CDKAL1: variants seen among roughly 807,000 people sequenced by gnomAD.
The protein encoded by CDKAL1 is threonylcarbamoyladenosine tRNA methylthiotransferase.
A neutral mutation model predicts 68.2 loss-of-function variants in CDKAL1; 32 were observed. The observed-to-expected ratio is 0.47, with a 90% CI of 0.35 to 0.63. The LOEUF (loss-of-function observed/expected upper bound fraction) is 0.63. Among genes scored for constraint, CDKAL1 ranks in the 30% least tolerant of loss-of-function variants. The pLI, the probability that CDKAL1 is intolerant of heterozygous loss-of-function variation, is 0.00. For synonymous variants in CDKAL1, 234 were observed against 244.3 expected (o/e 0.96, Z 0.39); for missense variants, 606 against 696.7 (o/e 0.87, Z 1.47).
At chr6:20,661,946 G>A (rs909996208) in intron 5 of CDKAL1, among the ~76,000 whole-genome samples, 43 of 152,190 alleles carry the variant, frequency 2.8e-4, no homozygotes, top group African/African-American at 1.0e-3. Flanking sequence ...CAGAAAGCAT[G>A]CAGAAACTTG....
intron 5 of CDKAL1, among the ~76,000 whole-genome samples, chr6:20,690,140 A>G (rs1277806797): frequency 6.6e-6 from 1 of 152,186 alleles, no homozygotes; most frequent in Non-Finnish European, 1.5e-5. Flanking sequence ...ATGAAATTAT[A>G]TCGTACATAT....
chr6:21,012,594 A>C (rs1768083089), intron 11 of CDKAL1, among the ~76,000 whole-genome samples: 1 of 152,230 alleles, frequency 6.6e-6, no homozygotes, highest in Non-Finnish European at 1.5e-5. Flanking sequence ...GAGAATAAGA[A>C]ACACATGAGT....
At chr6:20,705,272 T>C (rs943598321) in intron 5 of CDKAL1, among the ~76,000 whole-genome samples, 4 of 152,242 alleles carry the variant, frequency 2.6e-5, no homozygotes, top group Admixed American at 2.0e-4. Flanking sequence ...TTTTTCATTG[T>C]ACAAATGACA....
chr6:20,801,451 A>T (rs1776360526), intron 8 of CDKAL1, among the ~76,000 whole-genome samples: 1 of 152,176 alleles, frequency 6.6e-6, no homozygotes, highest in Non-Finnish European at 1.5e-5. Flanking sequence ...CATCTTTATT[A>T]TGTCATATCT....
intron 9 of CDKAL1, among the ~76,000 whole-genome samples, chr6:20,910,234 T>G (rs1762406145): frequency 6.6e-6 from 1 of 152,206 alleles, no homozygotes; most frequent in African/African-American, 2.4e-5. Flanking sequence ...GGGTCTGGGA[T>G]GGAGCCTGGG....
intron 4 of CDKAL1, among the ~76,000 whole-genome samples, chr6:20,601,734 A>G (rs1426954135): frequency 6.6e-6 from 1 of 152,152 alleles, no homozygotes; most frequent in Non-Finnish European, 1.5e-5. Flanking sequence ...GCAATATTTA[A>G]CTCAAATTTG....
At chr6:20,877,915 C>T (rs537788236) in intron 9 of CDKAL1, among the ~76,000 whole-genome samples, 8 of 152,284 alleles carry the variant, frequency 5.3e-5, no homozygotes, top group Admixed American at 3.3e-4. Flanking sequence ...TCCTGCTGCT[C>T]CTGTCAAATG....
Position 20,751,149 on chromosome 6 carries a change from A to G in CDKAL1, c.469-7446A>G, listed in dbSNP as rs183604606. On this transcript the variant is annotated intron_variant, in intron 6 of 15. Coordinates refer to ENST00000274695, the MANE Select transcript of CDKAL1 (RefSeq NM_017774.3). ...TAACTTATCTAGCTGCTGGTTTTTCAGGAAAAATGATACTTCAAGTGCATA... is the reference window on the plus strand; with the variant it reads ...TAACTTATCTAGCTGCTGGTTTTTCGGGAAAAATGATACTTCAAGTGCATA... Among the ~76,000 whole-genome samples the G allele has an allele frequency of 9.9e-5, 15 of 152,240 alleles. No homozygotes were observed. In the East Asian group the frequency reaches 1.4e-3, roughly 14 times the overall value.
chr6:20,946,186 C>T (rs983670769), intron 9 of CDKAL1, among the ~76,000 whole-genome samples: 2 of 152,212 alleles, frequency 1.3e-5, no homozygotes, highest in African/African-American at 2.4e-5. Flanking sequence ...CTTCCATTAA[C>T]ACTGGCTCCC....
At chr6:21,218,971 CT>C (rs141412272) in intron 15 of CDKAL1, among the ~76,000 whole-genome samples, 3,981 of 152,218 alleles carry the variant, frequency 0.026, 69 homozygotes, top group Non-Finnish European at 0.041. Context: ...TTTTAAGTGC[CT>C]TTCCATAGGA....
At chr6:20,628,561 C>T (rs1767532354) in intron 4 of CDKAL1, among the ~76,000 whole-genome samples, 1 of 152,002 alleles carries the variant, frequency 6.6e-6, no homozygotes, top group South Asian at 2.1e-4. Context: ...AATAGATGTT[C>T]CTTTAACATA....
At chr6:20,786,117 C>G (rs560236223) in intron 8 of CDKAL1, among the ~76,000 whole-genome samples, 1 of 151,950 alleles carries the variant, frequency 6.6e-6, no homozygotes, top group Non-Finnish European at 1.5e-5. Context: ...CCCAGCTACT[C>G]GGGAGGCTGA....
chr6:20,769,986 G>GT (rs1774869504), intron 7 of CDKAL1, among the ~76,000 whole-genome samples: 1 of 152,060 alleles, frequency 6.6e-6, no homozygotes, highest in Non-Finnish European at 1.5e-5. Context: ...GATACCTGTT[G>GT]TTTAAGATCA....
At chr6:20,936,742 T>C (rs16884310) in intron 9 of CDKAL1, among the ~76,000 whole-genome samples, 9,877 of 152,234 alleles carry the variant, frequency 0.065, 490 homozygotes, top group East Asian at 0.26. Flanking sequence ...AAGAAAAATG[T>C]GTTCATTTGA....
chr6:20,687,530 T>G (rs1770682096), intron 5 of CDKAL1, among the ~76,000 whole-genome samples: 1 of 152,098 alleles, frequency 6.6e-6, no homozygotes, highest in South Asian at 2.1e-4. Flanking sequence ...TTTCTTTTCT[T>G]TGTTTTTCAT....
chr6:21,175,935 T>A (rs551833521), intron 13 of CDKAL1, among the ~76,000 whole-genome samples: 1 of 152,260 alleles, frequency 6.6e-6, no homozygotes, highest in Non-Finnish European at 1.5e-5. Context: ...AGCATGGTAG[T>A]TTAGAGCTTG....
chr6:21,034,831 C>G (rs180684493), intron 11 of CDKAL1, among the ~76,000 whole-genome samples: 1 of 152,234 alleles, frequency 6.6e-6, no homozygotes, highest in East Asian at 1.9e-4. Flanking sequence ...TTGATAAATA[C>G]AAAGAAATCA....
chr6:20,638,735 GGGATTACAAACGCGCGCCACCATAAGTA>G, intron 4 of CDKAL1, among the ~76,000 whole-genome samples: 1 of 100,618 alleles, frequency 9.9e-6, no homozygotes, highest in Middle Eastern at 5.0e-3. Flanking sequence ...CCAAGTATCT[GGGATTACAAACGCGCGCCACCATAAGTA>G]TCTGGGATTA....
chr6:20,624,597 A>G (rs1463224836), intron 4 of CDKAL1, among the ~76,000 whole-genome samples: 3 of 151,968 alleles, frequency 2.0e-5, no homozygotes, highest in African/African-American at 7.2e-5. Flanking sequence ...AACTCATATG[A>G]CTTGGTATGA....
Sources: gnomAD v4.1 joint callset for allele counts (sites outside exome capture counted in the v4.1 genomes callset) on GRCh38, gnomAD v4.1.1 for gene constraint, MANE v1.5 for transcripts, NCBI Gene and HGNC (gene_info 2026-07-23, HGNC 2026-07-21) for gene names.